The following WARS1 variants were observed in gnomAD, a reference collection of about 807,000 sequenced individuals.
WARS1 encodes tryptophanyl-tRNA synthetase 1.
WARS1 carries 17 observed loss-of-function variants against 47.8 expected under a neutral mutation model. That is an observed-to-expected ratio of 0.36 (90% CI 0.24 to 0.53). WARS1 has a LOEUF of 0.53. Among genes scored for constraint, WARS1 ranks in the 20% least tolerant of loss-of-function variants. The pLI, the probability that WARS1 is intolerant of heterozygous loss-of-function variation, is 0.91. For missense variants in WARS1, 434 were observed against 608.0 expected (o/e 0.71, Z 3.01); for synonymous variants, 208 against 228.1 (o/e 0.91, Z 0.79).
chr14:100,346,998 G>C (rs935487673), intron 6 of WARS1, 152 bp from the exon 7 acceptor site: 6 of 665,556 alleles, frequency 9.0e-6, no homozygotes, highest in Non-Finnish European at 1.6e-5. Context: ...GAAGGTGCCA[G>C]GAAGTCATCT....
At position 100,343,347 on chromosome 14, in the gene WARS1, G is replaced by C; in HGVS notation, c.867C>G (p.Phe289Leu). Residue 289 changes from phenylalanine to leucine, a missense_variant, in exon 8 of 11, where the codon TTC becomes TTG. Phe to Leu is a conservative substitution (Grantham distance 22, BLOSUM62 0). Coordinates refer to ENST00000392882, the MANE Select transcript of WARS1 (RefSeq NM_004184.4). ...SFPAIQAAPS[F>L]SNSFPQIFRD... is the part of the protein sequence containing the mutation. ...GGAAGATCTGTGGGAATGAGTTGCT[G>C]AAGGAGGGAGCAGCCTGGATGGCAG... 1 of 1,613,432 alleles carries C rather than the reference G, an allele frequency of 6.2e-7. No homozygotes were observed. The highest frequency in any genetic ancestry group is 8.5e-7 in the Non-Finnish European group (1 of 1,179,534).
chr14:100,355,065 C>G (rs1357175040), intron 4 of WARS1, among the ~76,000 whole-genome samples: 1 of 152,136 alleles, frequency 6.6e-6, no homozygotes, highest in Non-Finnish European at 1.5e-5. Context: ...ATCTGGGCCC[C>G]TCAGCCAGCT....
chr14:100,334,652 A>C lies in WARS1; in HGVS notation c.*223T>G. The C allele has an allele frequency of 4.3e-6, 2 of 462,768 alleles. No homozygotes were observed. The highest frequency in any genetic ancestry group is 3.8e-5 in the Admixed American group (1 of 26,276). 28.7% of individuals were successfully genotyped at this position (462,768 alleles called of 1,614,324 possible). ...CTGGACTTCTCTATCCGACCATGCAATGTTAGCCAGCACCAATTACCCACA... is the reference window on the plus strand; with the variant it reads ...CTGGACTTCTCTATCCGACCATGCACTGTTAGCCAGCACCAATTACCCACA... On this transcript the variant is annotated 3_prime_UTR_variant, in exon 11 of 11. Transcript: ENST00000392882.
At chr14:100,372,255 G>A (rs1004359033) in intron 1 of WARS1, among the ~76,000 whole-genome samples, 7 of 151,846 alleles carry the variant, frequency 4.6e-5, no homozygotes, top group Non-Finnish European at 7.4e-5. Context: ...CTCTTCACAC[G>A]GACACGAGTG....
intron 4 of WARS1, among the ~76,000 whole-genome samples, chr14:100,359,563 T>C (rs1224751254): frequency 6.6e-6 from 1 of 152,216 alleles, no homozygotes; most frequent in Non-Finnish European, 1.5e-5. Flanking sequence ...AAAATTGGAA[T>C]GCTAAACTTG....
intron 2 of WARS1, among the ~76,000 whole-genome samples, chr14:100,364,988 T>G (rs1333603527): frequency 6.6e-6 from 1 of 152,156 alleles, no homozygotes; most frequent in Non-Finnish European, 1.5e-5. Context: ...AAATATGAGC[T>G]GGGTGCAGTG....
intron 4 of WARS1, among the ~76,000 whole-genome samples, chr14:100,358,162 T>C (rs1386728747): frequency 6.6e-6 from 1 of 151,898 alleles, no homozygotes; most frequent in Non-Finnish European, 1.5e-5. Context: ...TGAGACGGAG[T>C]CTCACTGCCA....
chr14:100,369,230 A>C lies in WARS1; in HGVS notation c.-45T>G, dbSNP rs1566868084. ...CTACGTTCACAGCCGGCCTGAGGTC[A>C]GAGGATTTGTTCAGCAGACGAGTCA... On this transcript the variant is annotated 5_prime_UTR_variant, in exon 2 of 11. Coordinates refer to ENST00000392882, the MANE Select transcript of WARS1 (RefSeq NM_004184.4). 1 of 388,022 alleles carries C rather than the reference A, an allele frequency of 2.6e-6. No homozygotes were observed. 24.0% of individuals were successfully genotyped at this position (388,022 alleles called of 1,614,324 possible). A position where few individuals can be genotyped will look rare whatever the true frequency, so the allele number is the denominator to read the frequency against.
chr14:100,359,042 A>G (rs1274334228), intron 4 of WARS1, among the ~76,000 whole-genome samples: 2 of 152,212 alleles, frequency 1.3e-5, no homozygotes, highest in Non-Finnish European at 2.9e-5. Context: ...AGATGTGGAG[A>G]AATGGGAAGC....
At chr14:100,348,983 C>T (rs1205495929) in intron 6 of WARS1, among the ~76,000 whole-genome samples, 5 of 152,180 alleles carry the variant, frequency 3.3e-5, no homozygotes, top group African/African-American at 4.8e-5. Context: ...ACAGCTGGGA[C>T]GGACCCATCA....
rs188498133 is a variant in WARS1, at chr14:100,334,252, C to T, written c.*623G>A. ...TCAGTAAACTGGAAAGTTTCACCCC[C>T]AAGTCTTAATTTAATCAAAATTGCT... On this transcript the variant is annotated 3_prime_UTR_variant, in exon 11 of 11. Coordinates refer to ENST00000392882, the MANE Select transcript of WARS1 (RefSeq NM_004184.4). 1 of 152,742 alleles carries T rather than the reference C, an allele frequency of 6.5e-6. No homozygotes were observed. The highest frequency in any genetic ancestry group is 2.4e-5 in the African/African-American group (1 of 41,566). The allele number at this position is 152,742 out of a possible 1,614,324, so 9.5% of individuals were successfully genotyped here.
intron 2 of WARS1, among the ~76,000 whole-genome samples, chr14:100,368,772 C>T (rs896878330): frequency 8.7e-6 from 1 of 114,898 alleles, no homozygotes; most frequent in African/African-American, 2.8e-5. Flanking sequence ...ACCAGCCTGA[C>T]CAACGTGGTG....
At chr14:100,375,580 T>C (rs1896609022), upstream of WARS1, 1 of 152,382 alleles carries the variant, frequency 6.6e-6, no homozygotes, top group Non-Finnish European at 1.5e-5. Context: ...TGAAACCCTC[T>C]TGAGAATCGA....
upstream of WARS1, chr14:100,375,793 T>C (rs1896624268): frequency 6.6e-6 from 1 of 152,172 alleles, no homozygotes; most frequent in African/African-American, 2.4e-5. Flanking sequence ...AGTTCTGGGG[T>C]CACAGACGCC....
chr14:100,344,805 C>A (rs1171415554), intron 7 of WARS1, among the ~76,000 whole-genome samples: 6 of 151,748 alleles, frequency 4.0e-5, no homozygotes, highest in Non-Finnish European at 7.4e-5. Flanking sequence ...AGCGTCTCTG[C>A]CCGGCCGCCC....
chr14:100,368,343 G>A (rs1026452441), intron 2 of WARS1: 4 of 440,564 alleles, frequency 9.1e-6, no homozygotes, highest in African/African-American at 2.0e-5. Context: ...TATTTCCATG[G>A]TCATAATAAT....
intron 2 of WARS1, chr14:100,366,102 A>G (rs780006781): frequency 2.2e-6 from 1 of 455,956 alleles, no homozygotes; most frequent in South Asian, 1.5e-5. Flanking sequence ...GAGAGGACAG[A>G]GTTACAGGTG....
At chr14:100,359,576 G>A (rs1226788467) in intron 4 of WARS1, among the ~76,000 whole-genome samples, 1 of 152,110 alleles carries the variant, frequency 6.6e-6, no homozygotes, top group Non-Finnish European at 1.5e-5. Flanking sequence ...TAAACTTGTG[G>A]GAGTTATTGA....
At chr14:100,365,266 C>G (rs1451578146) in intron 2 of WARS1, among the ~76,000 whole-genome samples, 4 of 127,158 alleles carry the variant, frequency 3.1e-5, no homozygotes, top group African/African-American at 7.4e-5. Flanking sequence ...GAAAAGATAA[C>G]AGATAACAGG....
Sources: allele counts gnomAD v4.1 joint callset (sites outside exome capture counted in the v4.1 genomes callset), GRCh38; gene constraint gnomAD v4.1.1; transcripts MANE v1.5; gene names NCBI Gene and HGNC (gene_info 2026-07-23, HGNC 2026-07-21).